The following XYLT2 variants were observed in gnomAD, a reference collection of about 807,000 sequenced individuals.
The protein encoded by XYLT2 is UDP-D-xylose:proteoglycan core protein beta-D-xylosyltransferase.
A neutral mutation model predicts 82.6 loss-of-function variants in XYLT2; 37 were observed. The observed-to-expected ratio is 0.45, with a 90% confidence interval of 0.34 to 0.59. The LOEUF is 0.59. XYLT2 is among the 20% of genes least tolerant of loss of function. The pLI, the probability that XYLT2 is intolerant of heterozygous loss-of-function variation, is 0.01. For missense variants in XYLT2, 934 were observed against 1,181.3 expected, an observed-to-expected ratio of 0.79 and a Z score of 3.07; for synonymous variants, 474 against 499.0, an observed-to-expected ratio of 0.95 and a Z score of 0.67.
In XYLT2 at chr17:50,353,622, T is replaced by C; in HGVS notation, c.136-8T>C. 1 of 1,559,600 alleles carries C rather than the reference T, an allele frequency of 6.4e-7. No individual in the cohort carries two copies. Among genetic ancestry groups the C allele is most frequent in the Non-Finnish European group, 8.7e-7 (1 of 1,151,466 alleles). ...TGCCCCAGTGATGTGTCTGCATCTC[T>C]CTTACAGAAAGGAAGGCAGAGGAAG... On this transcript the variant is annotated splice_polypyrimidine_tract_variant and splice_region_variant and intron_variant, in intron 1 of 10. Coordinates refer to ENST00000017003, the MANE Select transcript of XYLT2 (RefSeq NM_022167.4).
In XYLT2 at chr17:50,356,775, T is replaced by C. The variant is rs1369927801; in HGVS notation, c.1745+2T>C. ...CCCAATGGGCACCCCACTCTGCAGG[T>C]GAGACCCCCTTCTGACATACAGCAG... On this transcript the variant is annotated splice_donor_variant, in intron 8 of 10. Transcript: ENST00000017003. LOFTEE classifies it high-confidence loss of function. The C allele has an allele frequency of 6.3e-7, 1 of 1,599,044 alleles. No homozygotes were observed. The highest frequency in any genetic ancestry group is 8.5e-7 in the Non-Finnish European group (1 of 1,177,598).
intron 1 of XYLT2, among the ~76,000 whole-genome samples, chr17:50,350,349 T>C (rs192062180): frequency 1.9e-5 from 2 of 106,330 alleles, no homozygotes; most frequent in African/African-American, 6.3e-5. Context: ...GTGGATCACT[T>C]GAGGTCAGGA....
At position 50,358,192 on chromosome 17, in the gene XYLT2, C is replaced by CCT; in HGVS notation, c.1942-6_1942-5dup. Reference sequence around the variant, plus strand: ...TTTCCCCCACACTCCTGCCCAGCTGCCTCTCTCTCTACAGGTTGGCACTGA... The same window carrying CCT: ...TTTCCCCCACACTCCTGCCCAGCTGCCTCTCTCTCTCTACAGGTTGGCACTGA... On this transcript the variant is annotated splice_polypyrimidine_tract_variant and intron_variant, in intron 9 of 10. Coordinates refer to ENST00000017003, the MANE Select transcript of XYLT2 (RefSeq NM_022167.4). The CCT allele has an allele frequency of 1.9e-6, 3 of 1,566,060 alleles. No homozygotes were observed. Among genetic ancestry groups the CCT allele is most frequent in the Non-Finnish European group, 1.7e-6 (2 of 1,152,926 alleles).
chr17:50,347,139 G>A (rs1419881937), intron 1 of XYLT2, among the ~76,000 whole-genome samples: 1 of 152,188 alleles, frequency 6.6e-6, no homozygotes, highest in Non-Finnish European at 1.5e-5. Context: ...GGTGAGGAAG[G>A]GTCCATTGGG....
rs2143176748 is a variant in XYLT2 at position 50,346,751 on chromosome 17, G to A, written c.135+476G>A. 2.0e-6 allele frequency: 2 copies of A among 985,440 alleles called. No individual in the cohort carries two copies. The highest frequency in any genetic ancestry group is 1.7e-5 in the African/African-American group (1 of 57,358). 61.0% of individuals were successfully genotyped at this position (985,440 alleles called of 1,614,324 possible). On this transcript the variant is annotated intron_variant, in intron 1 of 10. Coordinates refer to ENST00000017003, the MANE Select transcript of XYLT2 (RefSeq NM_022167.4). This position sits in a 1 kb window ranked among gnomAD's most constrained non-coding sequence, Gnocchi z 5.1. ...AGCTGAGCCCGAGGGGCAGCGGCCG[G>A]TGAGGAAGGGGAGCTCGGGGGTGGA...
chr17:50,358,279 C>G lies in XYLT2; in HGVS notation c.2014C>G (p.Pro672Ala). ...FGGLLGPLDE[P>A]VAVQRWARGP... ...GGGGTTACTGGGGCCGCTGGACGAG[C>G]CTGTGGCCGTGCAGCGCTGGGCCCG... is the stretch of plus-strand genomic sequence containing the variant. The change falls in exon 10 of 11, where the codon CCT (proline) becomes GCT (alanine). Residue 672 changes from proline to alanine, a missense_variant. By Grantham distance (27) the Pro-to-Ala change is conservative. This residue lies in a region of XYLT2 where 374 missense variants were observed against 465.6 expected (regional missense o/e 0.80). Transcript: ENST00000017003. The G allele has an allele frequency of 6.2e-7, 1 of 1,613,598 alleles. No individual in the cohort carries two copies. Among genetic ancestry groups the G allele is most frequent in the Non-Finnish European group, 8.5e-7 (1 of 1,179,942 alleles).
At position 50,346,662 on chromosome 17, in the gene XYLT2, G is replaced by A. The variant is rs1912056922; in HGVS notation, c.135+387G>A. On this transcript the variant is annotated intron_variant, in intron 1 of 10. Transcript: ENST00000017003. The surrounding 1 kb of genome is among the most constrained non-coding windows in gnomAD (Gnocchi z 5.1). The stretch of plus-strand genomic sequence containing the variant: ...AGGCCAAACTTTCTGAAGTTGGGAG[G>A]GGGCGGGGATATGCGCGCCGTGGGC... 1 of 985,420 alleles carries A rather than the reference G, an allele frequency of 1.0e-6. No individual in the cohort carries two copies. The highest frequency in any genetic ancestry group is 1.7e-5 in the African/African-American group (1 of 57,368). 61.0% of individuals were successfully genotyped at this position (985,420 alleles called of 1,614,324 possible).
chr17:50,355,881 G>T lies in XYLT2; in HGVS notation c.1189G>T (p.Gly397Cys). ...RQIPAGIVVD[G>C]GSDWFVLTRS... The stretch of plus-strand genomic sequence containing the variant: ...GATCCCAGCAGGCATTGTGGTGGAT[G>T]GCGGTTCTGACTGGTTCGTGCTGAC... Residue 397 changes from glycine to cysteine, a missense_variant, in exon 6 of 11, where the codon GGC becomes TGC. By Grantham distance (159) the Gly-to-Cys change is radical. Around this residue, in one of 3 missense-constraint regions of XYLT2, gnomAD observed 189 missense variants for 320.8 expected, o/e 0.59. Coordinates refer to ENST00000017003, the MANE Select transcript of XYLT2 (RefSeq NM_022167.4). 1 of 1,614,270 alleles carries T rather than the reference G, an allele frequency of 6.2e-7. No individual in the cohort carries two copies.
chr17:50,352,726 G>A (rs1912324819), intron 1 of XYLT2, among the ~76,000 whole-genome samples: 1 of 152,226 alleles, frequency 6.6e-6, no homozygotes, highest in Non-Finnish European at 1.5e-5. Flanking sequence ...GCGCCCCGCT[G>A]CAGGGATCCC....
Position 50,346,243 on chromosome 17 carries a change from T to C in XYLT2, c.103T>C (p.Phe35Leu). The C allele has an allele frequency of 8.1e-7, 1 of 1,233,420 alleles. No individual in the cohort carries two copies. Among genetic ancestry groups the C allele is most frequent in the Non-Finnish European group, 1.0e-6 (1 of 961,418 alleles). 76.4% of individuals were successfully genotyped at this position (1,233,420 alleles called of 1,614,324 possible). ...GCTGCAGGGCCTGGTAGTGTGGAGC[T>C]TCAGCGGCCTGGAGGAGGACGAGGC... ...LLLQGLVVWS[F>L]SGLEEDEAGE... The change falls in exon 1 of 11, where the codon TTC (phenylalanine) becomes CTC (leucine). Residue 35 changes from phenylalanine (F) to leucine (L), a missense_variant. Transcript: ENST00000017003. The surrounding 1 kb of genome is among the most constrained non-coding windows in gnomAD (Gnocchi z 5.1).
chr17:50,348,830 A>G (rs571660704), intron 1 of XYLT2, among the ~76,000 whole-genome samples: 2 of 152,342 alleles, frequency 1.3e-5, no homozygotes, highest in African/African-American at 4.8e-5. Context: ...TATCCCAGCC[A>G]GAAGTCAGAG....
chr17:50,357,391 T>C (rs1912592265), intron 9 of XYLT2, 139 bp downstream of exon 9: 12 of 833,616 alleles, frequency 1.4e-5, no homozygotes, highest in Non-Finnish European at 2.2e-5. Context: ...CATGCAGACA[T>C]CCTGTGTCAC....
rs1287121871 is a variant in XYLT2 at position 50,360,207 on chromosome 17, C to A, written c.2514C>A (p.Pro838=). ...IGPSPCPSLE[P]CRLTSWSSLS... ...CCTCTCCCTGCCCCTCCCTGGAGCCCTGCAGACTGACCAGCTGGAGCTCTC... is the reference window on the plus strand; with the variant it reads ...CCTCTCCCTGCCCCTCCCTGGAGCCATGCAGACTGACCAGCTGGAGCTCTC... The change falls in exon 11 of 11, where the codon CCC becomes CCA. Residue 838 remains proline (P), a synonymous_variant. Coordinates refer to ENST00000017003, the MANE Select transcript of XYLT2 (RefSeq NM_022167.4). The A allele has an allele frequency of 1.2e-6, 2 of 1,613,992 alleles. No homozygotes were observed. Among genetic ancestry groups the A allele is most frequent in the African/African-American group, 2.7e-5 (2 of 74,940 alleles).
intron 1 of XYLT2, among the ~76,000 whole-genome samples, chr17:50,351,541 G>T (rs1912267986): frequency 6.6e-6 from 1 of 152,154 alleles, no homozygotes; most frequent in Non-Finnish European, 1.5e-5. Flanking sequence ...GGCTGAGGCA[G>T]GAGAATCACT....
intron 9 of XYLT2, chr17:50,357,673 T>G (rs1912605711): frequency 6.0e-6 from 1 of 167,184 alleles, no homozygotes; most frequent in African/African-American, 2.4e-5. Flanking sequence ...CCTCCCAGGT[T>G]CAAGCGATTC....
In XYLT2 at chr17:50,346,243, T is replaced by A. The variant is rs1174215127; in HGVS notation, c.103T>A (p.Phe35Ile). Residue 35 changes from phenylalanine to isoleucine, a missense_variant, in exon 1 of 11, where the codon TTC (phenylalanine) becomes ATC (isoleucine). Phe to Ile is a conservative substitution (Grantham distance 21). Coordinates refer to ENST00000017003, the MANE Select transcript of XYLT2 (RefSeq NM_022167.4). This position sits in a 1 kb window ranked among gnomAD's most constrained non-coding sequence, Gnocchi z 5.1. ...GCTGCAGGGCCTGGTAGTGTGGAGC[T>A]TCAGCGGCCTGGAGGAGGACGAGGC... ...LLLQGLVVWS[F>I]SGLEEDEAGE... The A allele has an allele frequency of 3.6e-5, 45 of 1,233,312 alleles. No homozygotes were observed. Among genetic ancestry groups the A allele is most frequent in the Non-Finnish European group, 4.6e-5 (44 of 961,428 alleles). The allele number at this position is 1,233,312 out of a possible 1,614,324, so 76.4% of individuals were successfully genotyped here. A position where few individuals can be genotyped will look rare whatever the true frequency, so the allele number is the denominator to read the frequency against.
At chr17:50,347,131 TGAGGAA>T (rs1912077190) in intron 1 of XYLT2, among the ~76,000 whole-genome samples, 1 of 152,082 alleles carries the variant, frequency 6.6e-6, no homozygotes, top group Non-Finnish European at 1.5e-5. Flanking sequence ...AGCGGTGTGG[TGAGGAA>T]GGGTCCATTG....
Position 50,358,153 on chromosome 17 carries a change from G to A in XYLT2, c.1942-54G>A, listed in dbSNP as rs535833977. ...TACACAGTGAGAGGCAGCTTCAGAG[G>A]AGGGAGAAGGACCTTTCCCCCACAC... On this transcript the variant is annotated intron_variant, in intron 9 of 10. Transcript: ENST00000017003. The A allele has an allele frequency of 8.4e-5, 123 of 1,470,656 alleles. No individual in the cohort carries two copies. The African/African-American group carries it at 1.6e-3, about 19-fold the overall frequency. The allele number at this position is 1,470,656 out of a possible 1,614,324, so 91.1% of individuals were successfully genotyped here.
chr17:50,354,162 C>T (rs1912404891), intron 2 of XYLT2, 40 bp downstream of exon 2: 4 of 1,597,758 alleles, frequency 2.5e-6, no homozygotes, highest in East Asian at 2.2e-5. Flanking sequence ...CAGGCGGGGG[C>T]AGGGGGGTGG....
Sources: gnomAD v4.1 joint callset for allele counts (sites outside exome capture counted in the v4.1 genomes callset) on GRCh38, gnomAD v4.1.1 for gene constraint, gnomAD v4.1.1 regional missense constraint, Gnocchi (gnomAD v3.1) non-coding constraint, MANE v1.5 for transcripts, NCBI Gene and HGNC (gene_info 2026-07-23, HGNC 2026-07-21) for gene names.